The following RBM20 variants were observed in gnomAD, a reference collection of about 807,000 sequenced individuals.
RBM20 encodes the protein RNA binding motif protein 20, also known as RNA-binding protein 20.
RBM20 carries 51 observed loss-of-function variants against 110.1 expected under a neutral mutation model. The observed-to-expected ratio is 0.46, with a 90% CI of 0.37 to 0.59. The LOEUF (loss-of-function observed/expected upper bound fraction) is 0.59, where lower values mean the gene tolerates loss of function less well. Among genes scored for constraint, RBM20 ranks in the 20% least tolerant of loss-of-function variants. The probability of loss-of-function intolerance (pLI) is 0.00; values close to 1 mark genes in which losing one functional copy is unlikely to be tolerated. For missense variants in RBM20, 1,512 were observed against 1,574.9 expected, an observed-to-expected ratio of 0.96 and a Z score of 0.68; for synonymous variants, 589 against 618.2, an observed-to-expected ratio of 0.95 and a Z score of 0.70.
intron 1 of RBM20, among the ~76,000 whole-genome samples, chr10:110,725,331 A>T (rs896918058): frequency 1.3e-5 from 2 of 152,160 alleles, no homozygotes; most frequent in Admixed American, 6.5e-5. Flanking sequence ...AACATCCTGA[A>T]ACCCATCCAT....
chr10:110,810,536 G>T (rs905201484), intron 8 of RBM20, 74 bp downstream of exon 8: 2 of 1,079,428 alleles, frequency 1.9e-6, no homozygotes, highest in Non-Finnish European at 2.8e-6. Flanking sequence ...CATTCTTAGG[G>T]GCATTTGAGT....
chr10:110,800,281 C>A (rs576664970), intron 7 of RBM20, among the ~76,000 whole-genome samples: 1 of 152,064 alleles, frequency 6.6e-6, no homozygotes, highest in South Asian at 2.1e-4. Context: ...GTAACATTTT[C>A]TTCTTCTGTC....
intron 1 of RBM20, among the ~76,000 whole-genome samples, chr10:110,768,350 C>T (rs997996009): frequency 3.3e-5 from 5 of 152,264 alleles, no homozygotes; most frequent in East Asian, 1.9e-4. Flanking sequence ...CTGCCTTGGG[C>T]GACATCTGTG....
At chr10:110,711,591 T>C (rs11592409) in intron 1 of RBM20, among the ~76,000 whole-genome samples, 36,638 of 152,170 alleles carry the variant, frequency 0.24, 4,577 homozygotes, top group Non-Finnish European at 0.26. Context: ...TCCCCACTAA[T>C]GGGGAAAGTC....
intron 5 of RBM20, among the ~76,000 whole-genome samples, chr10:110,788,450 AC>A (rs1211591259): frequency 1.3e-5 from 2 of 151,928 alleles, no homozygotes; most frequent in Non-Finnish European, 2.9e-5. Context: ...TATCATTATA[AC>A]CTCTGTGACA....
intron 1 of RBM20, among the ~76,000 whole-genome samples, chr10:110,714,922 A>C (rs557817714): frequency 2.4e-4 from 36 of 152,292 alleles, no homozygotes; most frequent in African/African-American, 8.7e-4. Context: ...ATGTTGATGA[A>C]AATAATATCT....
chr10:110,837,624 C>G lies in RBM20; in HGVS notation c.*1646C>G, dbSNP rs1472845708. ...GTGAGAGCATACTGTACATTCTGTC[C>G]TCTGTACTAATGGAGGAAGGGCAGA... On this transcript the variant is annotated 3_prime_UTR_variant, in exon 14 of 14. Coordinates refer to ENST00000369519, the MANE Select transcript of RBM20 (RefSeq NM_001134363.3). 1 of 152,064 alleles carries G rather than the reference C, an allele frequency of 6.6e-6. No individual in the cohort carries two copies. Among genetic ancestry groups the G allele is most frequent in the African/African-American group, 2.4e-5 (1 of 41,360 alleles). The allele number at this position is 152,064 out of a possible 1,614,324, so 9.4% of individuals were successfully genotyped here.
chr10:110,783,566 CTT>C (rs1186564513), intron 3 of RBM20, 139 bp downstream of exon 3: 4 of 607,064 alleles, frequency 6.6e-6, no homozygotes, highest in Non-Finnish European at 1.2e-5. Flanking sequence ...CCTCAAGGAG[CTT>C]GTGCTTCACA....
chr10:110,726,812 G>A (rs1046383472), intron 1 of RBM20, among the ~76,000 whole-genome samples: 2 of 152,158 alleles, frequency 1.3e-5, no homozygotes, highest in African/African-American at 4.8e-5. Flanking sequence ...CTGAGGGCAG[G>A]GGCCCACAGG....
In RBM20 at chr10:110,821,406, G is replaced by A; in HGVS notation, c.2787G>A (p.Leu929=). ...DFIVEPDIPE[L]EEIVPIDQKD... ...TCGTGGAACCAGACATCCCAGAGCT[G>A]GAAGAAATTGTGCCCATTGACCAGA... The change falls in exon 11 of 14, where the codon CTG becomes CTA. Residue 929 remains leucine (L), a synonymous_variant. Coordinates refer to ENST00000369519, the MANE Select transcript of RBM20 (RefSeq NM_001134363.3). 6.4e-7 allele frequency: 1 copy of A among 1,551,752 alleles called. No homozygotes were observed. The highest frequency in any genetic ancestry group is 8.7e-7 in the Non-Finnish European group (1 of 1,147,010).
intron 1 of RBM20, among the ~76,000 whole-genome samples, chr10:110,768,200 G>C (rs112118519): frequency 6.6e-6 from 1 of 152,274 alleles, no homozygotes; most frequent in East Asian, 1.9e-4. Flanking sequence ...GCTTCAGCTC[G>C]GCATCAGAGG....
chr10:110,832,397 GA>G lies in RBM20; in HGVS notation c.3573+1217del, dbSNP rs914694186. Among the ~76,000 whole-genome samples, 297 of 152,272 alleles carry G rather than the reference GA, an allele frequency of 2.0e-3. 1 individual carries two copies. The highest frequency in any genetic ancestry group is 6.6e-3 in the African/African-American group (275 of 41,554). The stretch of plus-strand genomic sequence containing the variant: ...TCTAGCCGTTCTTAACCAGGGACAT[GA>G]ATCAGACTCATCTGGACAGTATTTC... On this transcript the variant is annotated intron_variant, in intron 13 of 13. Transcript: ENST00000369519.
At chr10:110,788,441 A>G (rs1360446166) in intron 5 of RBM20, among the ~76,000 whole-genome samples, 1 of 152,170 alleles carries the variant, frequency 6.6e-6, no homozygotes, top group East Asian at 1.9e-4. Context: ...GTCTGGTTTT[A>G]TCATTATAAC....
intron 1 of RBM20, among the ~76,000 whole-genome samples, chr10:110,665,676 A>C (rs1024605389): frequency 3.3e-5 from 5 of 151,690 alleles, no homozygotes; most frequent in African/African-American, 4.9e-5. Context: ...AATCTATGAT[A>C]TATATGATAA....
chr10:110,742,215 A>G (rs530956885), intron 1 of RBM20, among the ~76,000 whole-genome samples: 28 of 152,140 alleles, frequency 1.8e-4, no homozygotes, highest in Non-Finnish European at 3.8e-4. Context: ...TGACTTTTCT[A>G]TCTACACCTC....
At chr10:110,706,844 A>G (rs921700000) in intron 1 of RBM20, among the ~76,000 whole-genome samples, 1 of 152,186 alleles carries the variant, frequency 6.6e-6, no homozygotes, top group Non-Finnish European at 1.5e-5. Flanking sequence ...ATAATTGCCA[A>G]AGAATGTGGT....
intron 7 of RBM20, among the ~76,000 whole-genome samples, chr10:110,809,486 T>A (rs1261140938): frequency 6.6e-6 from 1 of 152,168 alleles, no homozygotes; most frequent in Non-Finnish European, 1.5e-5. Context: ...TATGAATTTC[T>A]TTTTAAAAAT....
intron 1 of RBM20, among the ~76,000 whole-genome samples, chr10:110,774,119 C>T (rs1000942505): frequency 1.3e-5 from 2 of 152,184 alleles, no homozygotes; most frequent in Non-Finnish European, 2.9e-5. Context: ...TTCATCTGAT[C>T]TTTCTTGGTC....
At chr10:110,754,057 G>T (rs1183379326) in intron 1 of RBM20, among the ~76,000 whole-genome samples, 1 of 152,168 alleles carries the variant, frequency 6.6e-6, no homozygotes, top group Non-Finnish European at 1.5e-5. Flanking sequence ...GCCATATGAG[G>T]TAACACTCAC....
Sources: gnomAD v4.1 joint callset for allele counts (sites outside exome capture counted in the v4.1 genomes callset) on GRCh38, gnomAD v4.1.1 for gene constraint, MANE v1.5 for transcripts, NCBI Gene and HGNC (gene_info 2026-07-23, HGNC 2026-07-21) for gene names.